The following ARHGEF11 variants were observed in gnomAD, a reference collection of about 807,000 sequenced individuals.
The protein encoded by ARHGEF11 is Rho guanine exchange factor (GEF) 11.
A neutral mutation model predicts 193.7 loss-of-function variants in ARHGEF11; 55 were observed. The observed-to-expected ratio is 0.28, with a 90% CI of 0.23 to 0.36. The LOEUF is 0.36. Among genes scored for constraint, ARHGEF11 ranks in the 10% least tolerant of loss-of-function variants. ARHGEF11 has a pLI of 1.00. For synonymous variants in ARHGEF11, 693 were observed against 768.0 expected, an observed-to-expected ratio of 0.90 and a Z score of 1.62; for missense variants, 1,723 against 2,005.6, an observed-to-expected ratio of 0.86 and a Z score of 2.69.
chr1:156,943,065 CT>C (rs112741222), intron 32 of ARHGEF11, among the ~76,000 whole-genome samples: 91 of 140,156 alleles, frequency 6.5e-4, no homozygotes, highest in Middle Eastern at 3.5e-3. Flanking sequence ...AGTTATAAAA[CT>C]TTTTTTTTTT....
intron 1 of ARHGEF11, among the ~76,000 whole-genome samples, chr1:157,022,193 G>T (rs1215718188): frequency 1.3e-5 from 2 of 152,064 alleles, no homozygotes; most frequent in Non-Finnish European, 2.9e-5. Context: ...AGGGAAATTA[G>T]ACAAGAAAAA....
intron 8 of ARHGEF11, among the ~76,000 whole-genome samples, 177 bp from the exon 9 acceptor site, chr1:156,970,220 A>T (rs966661408): frequency 6.6e-6 from 1 of 152,098 alleles, no homozygotes; most frequent in African/African-American, 2.4e-5. Context: ...GATGACAATG[A>T]CCCCTAATGG....
At chr1:157,030,574 A>C (rs749831784) in intron 1 of ARHGEF11, among the ~76,000 whole-genome samples, 3 of 152,142 alleles carry the variant, frequency 2.0e-5, no homozygotes, top group Non-Finnish European at 4.4e-5. Flanking sequence ...CACTACTGTC[A>C]GGCAAATCTG....
intron 37 of ARHGEF11, 31 bp from the exon 38 acceptor site, chr1:156,938,544 G>A: frequency 6.2e-7 from 1 of 1,603,578 alleles, no homozygotes; most frequent in South Asian, 1.1e-5. Flanking sequence ...CCAGGAAGAG[G>A]AGAGACCAAA....
At chr1:156,949,770 G>GT (rs1261004145) in intron 22 of ARHGEF11, among the ~76,000 whole-genome samples, 1 of 152,178 alleles carries the variant, frequency 6.6e-6, no homozygotes, top group African/African-American at 2.4e-5. Flanking sequence ...GCACCCAGAA[G>GT]TAAGTAATGC....
intron 1 of ARHGEF11, among the ~76,000 whole-genome samples, chr1:157,040,075 C>T (rs1384326198): frequency 1.3e-5 from 2 of 152,178 alleles, no homozygotes; most frequent in African/African-American, 2.4e-5. Context: ...TAAAAGGGCA[C>T]TCTTTCAGAA....
intron 1 of ARHGEF11, among the ~76,000 whole-genome samples, chr1:157,006,552 G>T (rs779016425): frequency 6.6e-6 from 1 of 152,164 alleles, no homozygotes; most frequent in Non-Finnish European, 1.5e-5. Flanking sequence ...AAAGGGTTCT[G>T]AGGACAAGAA....
upstream of ARHGEF11, among the ~76,000 whole-genome samples, chr1:157,046,198 T>TGACCCCGCCAGGCACCGCGCGCC: frequency 6.8e-6 from 1 of 146,280 alleles, no homozygotes; most frequent in Non-Finnish European, 1.5e-5. Flanking sequence ...ACCCCGGCCC[T>TGACCCCGCCAGGCACCGCGCGCC]GACCCCGCCA....
At chr1:157,042,618 T>C (rs771662910) in intron 1 of ARHGEF11, among the ~76,000 whole-genome samples, 12 of 152,136 alleles carry the variant, frequency 7.9e-5, no homozygotes, top group Non-Finnish European at 2.9e-5. Flanking sequence ...TCAAATGAGA[T>C]ATGTTCTACG....
chr1:157,037,253 C>T (rs774550763), intron 1 of ARHGEF11, among the ~76,000 whole-genome samples: 5 of 152,188 alleles, frequency 3.3e-5, no homozygotes, highest in Non-Finnish European at 7.3e-5. Flanking sequence ...GATTCAGAAG[C>T]TCGTTATCTT....
At chr1:156,989,791 G>A (rs1665457232) in intron 1 of ARHGEF11, among the ~76,000 whole-genome samples, 1 of 152,316 alleles carries the variant, frequency 6.6e-6, no homozygotes, top group Admixed American at 6.5e-5. Flanking sequence ...TAACATTGAA[G>A]AAGTAGCATG....
At chr1:156,963,932 G>C (rs1310616230) in intron 11 of ARHGEF11, 3 of 214,312 alleles carry the variant, frequency 1.4e-5, no homozygotes, top group Non-Finnish European at 2.4e-5. Context: ...GCTCCTGCTG[G>C]ACTGCTGGGT....
At chr1:156,960,824 T>C in intron 14 of ARHGEF11, among the ~76,000 whole-genome samples, 1 of 152,132 alleles carries the variant, frequency 6.6e-6, no homozygotes, top group East Asian at 1.9e-4. Context: ...TGGTGGACTT[T>C]CCCTCCCGCT....
chr1:157,032,312 T>C (rs775445512), intron 1 of ARHGEF11, among the ~76,000 whole-genome samples: 1 of 152,178 alleles, frequency 6.6e-6, no homozygotes, highest in Non-Finnish European at 1.5e-5. Flanking sequence ...AGTTTTGAAA[T>C]AGACAGTGAA....
rs565702376 is a variant in ARHGEF11, at chr1:157,017,578, G to A, written c.32+26721C>T. On this transcript the variant is annotated intron_variant, in intron 1 of 40. Coordinates refer to ENST00000368194, the MANE Select transcript of ARHGEF11 (RefSeq NM_198236.3). ...AAAAATTAGCCGGACGTGGTGGCAC[G>A]CACCTGTAATCCCAGCTACTTGGGA... Among the ~76,000 whole-genome samples, 50 of 151,842 alleles carry A rather than the reference G, an allele frequency of 3.3e-4. 1 individual carries two copies. The highest frequency in any genetic ancestry group is 2.8e-3 in the Admixed American group (43 of 15,258).
chr1:156,970,083 G>A (rs1662298446), intron 8 of ARHGEF11, 40 bp from the exon 9 acceptor site: 16 of 1,582,504 alleles, frequency 1.0e-5, no homozygotes, highest in Non-Finnish European at 1.3e-5. Context: ...AATTCTGTGA[G>A]CCTCTCCCCC....
intron 1 of ARHGEF11, among the ~76,000 whole-genome samples, chr1:157,029,276 G>GTTC (rs1342867707): frequency 6.6e-6 from 1 of 151,204 alleles, no homozygotes; most frequent in Non-Finnish European, 1.5e-5. Context: ...TGTTGTTGTT[G>GTTC]TTGTTGTTTT....
At chr1:156,971,889 C>T in intron 7 of ARHGEF11, 73 bp from the exon 8 acceptor site, 1 of 1,504,578 alleles carries the variant, frequency 6.6e-7, no homozygotes, top group Non-Finnish European at 9.0e-7. Context: ...GGATGACTCA[C>T]CAGTGGGGAG....
chr1:156,971,213 G>A (rs1662440815), intron 8 of ARHGEF11, among the ~76,000 whole-genome samples: 1 of 152,214 alleles, frequency 6.6e-6, no homozygotes, highest in Non-Finnish European at 1.5e-5. Context: ...GTGGTTATCT[G>A]CTGATACAGA....
Sources: gnomAD v4.1 joint callset for allele counts (sites outside exome capture counted in the v4.1 genomes callset) on GRCh38, gnomAD v4.1.1 for gene constraint, MANE v1.5 for transcripts, NCBI Gene and HGNC (gene_info 2026-07-23, HGNC 2026-07-21) for gene names.